Variants in YBEY observed in about 807,000 individuals in gnomAD.
YBEY encodes endoribonuclease YbeY.
In YBEY, 15 loss-of-function variants were observed where a neutral mutation model predicts 13.5. The observed-to-expected ratio is 1.11, with a 90% CI of 0.75 to 1.72. YBEY has a LOEUF of 1.72. Among genes scored for constraint, YBEY ranks in the 40% most tolerant of loss-of-function variants. The pLI is 0.00. For synonymous variants in YBEY, 101 were observed against 83.1 expected (o/e 1.21, Z -1.17); for missense variants, 244 against 208.4 (o/e 1.17, Z -1.05).
the YBEY span, among the ~76,000 whole-genome samples, chr21:46,303,743 ATATTTTTTTTTTTTT>A: frequency 5.1e-5 from 1 of 19,604 alleles, no homozygotes; most frequent in African/African-American, 2.0e-4. Flanking sequence ...ATATATATAT[ATATTTTTTTTTTTTT>A]TTTTTTTTTT....
In YBEY at chr21:46,297,555, A is replaced by T; in HGVS notation, c.425A>T (p.Lys142Met). The change falls in exon 5 of 5, where the codon AAG (lysine) becomes ATG (methionine). Residue 142 changes from lysine (K) to methionine (M), a missense_variant. By Grantham distance (95) the Lys-to-Met change is moderately conservative. Transcript: ENST00000397701. ...TCCTTCCAGATGTTCCAGAAGGAGA[A>T]GGCGGTGCTGGACGAGCTGGGCCGA... The part of the protein sequence containing the change: ...AEWQQMFQKE[K>M]AVLDELGRRT... 1 of 1,394,020 alleles carries T rather than the reference A, an allele frequency of 7.2e-7. No individual in the cohort carries two copies. The highest frequency in any genetic ancestry group is 9.4e-7 in the Non-Finnish European group (1 of 1,061,346). The allele number at this position is 1,394,020 out of a possible 1,614,324, so 86.4% of individuals were successfully genotyped here.
chr21:46,298,204 ATC>A (rs1307468069), downstream of YBEY, among the ~76,000 whole-genome samples: 1 of 151,940 alleles, frequency 6.6e-6, no homozygotes, highest in Non-Finnish European at 1.5e-5. Context: ...AATTCTGCTC[ATC>A]TGTTTGTCCT....
At chr21:46,302,278 C>A, downstream of YBEY, 1 of 1,406,224 alleles carries the variant, frequency 7.1e-7, no homozygotes, top group Non-Finnish European at 9.4e-7. Context: ...TAAGCATCCT[C>A]CCAGAGGAGG....
rs752698577 is a variant in YBEY, at chr21:46,296,199, TCA to T, written c.383_384del (p.His128ArgfsTer66). 1.2e-6 allele frequency: 2 copies of T among 1,613,822 alleles called. No homozygotes were observed. Among genetic ancestry groups the T allele is most frequent in the Admixed American group, 1.7e-5 (1 of 60,018 alleles). On this transcript the variant is annotated frameshift_variant, in exon 4 of 5. Coordinates refer to ENST00000397701, the MANE Select transcript of YBEY (RefSeq NM_001314025.2). LOFTEE classifies it low-confidence loss of function (END_TRUNC). ...CACGGACTCTGTCACTTGCTGGGAT[TCA>T]CACACGGCACGGAGGCAGAGTGGCA...
downstream of YBEY, chr21:46,302,338 C>G: frequency 8.8e-7 from 1 of 1,137,442 alleles, no homozygotes; most frequent in Non-Finnish European, 1.2e-6. Context: ...TGGGCTGGGA[C>G]TCGATGGGGA....
At chr21:46,303,735 ATATATATATATTTTTTT>A in the YBEY span, among the ~76,000 whole-genome samples, 21 of 28,124 alleles carry the variant, frequency 7.5e-4, no homozygotes, top group African/African-American at 2.2e-3. Flanking sequence ...ATATATATAT[ATATATATATATTTTTTT>A]TTTTTTTTTT....
At chr21:46,298,434 C>CTTTTTTTTTTTTTTTTT (rs557264546), downstream of YBEY, among the ~76,000 whole-genome samples, 239 of 97,138 alleles carry the variant, frequency 2.5e-3, 58 homozygotes, top group Non-Finnish European at 4.1e-3. Context: ...TTAATCCAAG[C>CTTTTTTTTTTTTTTTTT]TTTTTTTTTT....
the YBEY span, among the ~76,000 whole-genome samples, chr21:46,303,021 A>C: frequency 6.6e-6 from 1 of 152,132 alleles, no homozygotes; most frequent in South Asian, 2.1e-4. Flanking sequence ...AAAATTAGCC[A>C]GGCGTGGTGG....
chr21:46,288,530 T>C (rs1601572185), intron 2 of YBEY, among the ~76,000 whole-genome samples: 1 of 151,870 alleles, frequency 6.6e-6, no homozygotes, highest in East Asian at 1.9e-4. Context: ...ACAAAAAAAG[T>C]TAGCTGGGTG....
chr21:46,288,851 C>A, intron 2 of YBEY, among the ~76,000 whole-genome samples: 1 of 151,950 alleles, frequency 6.6e-6, no homozygotes, highest in Admixed American at 6.6e-5. Flanking sequence ...AACCTTGTTT[C>A]TACAAAAAAT....
the YBEY span, among the ~76,000 whole-genome samples, chr21:46,312,520 C>A: frequency 6.6e-6 from 1 of 151,970 alleles, no homozygotes; most frequent in Non-Finnish European, 1.5e-5. Context: ...GGTTTCACCA[C>A]GTTGGCCAGG....
At chr21:46,292,483 A>G (rs1189330886) in intron 3 of YBEY, among the ~76,000 whole-genome samples, 1 of 152,158 alleles carries the variant, frequency 6.6e-6, no homozygotes, top group African/African-American at 2.4e-5. Context: ...TTCTTGATTT[A>G]AAGTTAAACT....
At chr21:46,287,756 C>T (rs758758086) in intron 2 of YBEY, among the ~76,000 whole-genome samples, 8 of 151,964 alleles carry the variant, frequency 5.3e-5, no homozygotes, top group African/African-American at 1.5e-4. Flanking sequence ...TTTGGGAGCC[C>T]GAGGCGGGTG....
downstream of YBEY, among the ~76,000 whole-genome samples, chr21:46,298,027 C>G (rs1034135088): frequency 9.2e-5 from 14 of 152,196 alleles, no homozygotes; most frequent in African/African-American, 3.4e-4. Flanking sequence ...CGAGTAAACC[C>G]TGGAGTTTCA....
At chr21:46,301,483 G>A (rs915006645), downstream of YBEY, 9 of 982,410 alleles carry the variant, frequency 9.2e-6, no homozygotes, top group Non-Finnish European at 1.1e-5. Context: ...TGTGGACACA[G>A]GTGTCCCTAG....
intron 3 of YBEY, 25 bp from the exon 4 acceptor site, chr21:46,296,137 A>T (rs1270892596): frequency 1.2e-6 from 2 of 1,613,352 alleles, no homozygotes; most frequent in East Asian, 4.5e-5. Context: ...TCATCCTCTG[A>T]GCCGGTTTAA....
chr21:46,286,817 C>T, intron 1 of YBEY, 53 bp from the exon 2 acceptor site: 2 of 1,090,974 alleles, frequency 1.8e-6, no homozygotes, highest in African/African-American at 1.6e-5. Flanking sequence ...TGTATTTTTA[C>T]AGACCGTATT....
chr21:46,286,821 C>G, intron 1 of YBEY, 49 bp from the exon 2 acceptor site: 1 of 1,123,118 alleles, frequency 8.9e-7, no homozygotes, highest in African/African-American at 1.6e-5. Flanking sequence ...TTTTTACAGA[C>G]CGTATTATCA....
At chr21:46,302,552 T>C, downstream of YBEY, 6 of 1,612,524 alleles carry the variant, frequency 3.7e-6, no homozygotes, top group South Asian at 6.6e-5. Context: ...CTGTGCGTTC[T>C]GCAGCAGCAG....
Sources: allele counts gnomAD v4.1 joint callset (sites outside exome capture counted in the v4.1 genomes callset), GRCh38; gene constraint gnomAD v4.1.1; transcripts MANE v1.5; gene names NCBI Gene and HGNC (gene_info 2026-07-23, HGNC 2026-07-21).